SCOC: variants seen among roughly 807,000 people sequenced by gnomAD.
SCOC encodes the protein short coiled-coil protein.
A neutral mutation model predicts 9.9 loss-of-function variants in SCOC; 7 were observed. The observed-to-expected ratio is 0.71, with a 90% confidence interval of 0.40 to 1.33. The LOEUF (loss-of-function observed/expected upper bound fraction) is 1.33, where lower values mean the gene tolerates loss of function less well. SCOC is among the 40% of genes most tolerant of loss of function. The probability of loss-of-function intolerance (pLI) is 0.01; values close to 1 mark genes in which losing one functional copy is unlikely to be tolerated. For synonymous variants in SCOC, 19 were observed against 28.2 expected, an observed-to-expected ratio of 0.67 and a Z score of 1.03; for missense variants, 66 against 89.7, an observed-to-expected ratio of 0.74 and a Z score of 1.07.
intron 1 of SCOC, among the ~76,000 whole-genome samples, chr4:140,299,861 T>G (rs1283182813): frequency 6.6e-6 from 1 of 152,182 alleles, no homozygotes; most frequent in African/African-American, 2.4e-5. Flanking sequence ...TCCACCCACT[T>G]CACAGTCCTT....
chr4:140,353,994 C>A (rs968819520), intron 2 of SCOC, among the ~76,000 whole-genome samples: 2 of 152,200 alleles, frequency 1.3e-5, no homozygotes, highest in African/African-American at 4.8e-5. Context: ...TTTCATTGCT[C>A]GTAGTGTGAC....
chr4:140,310,875 C>T (rs1255161817), intron 1 of SCOC, among the ~76,000 whole-genome samples: 1 of 152,208 alleles, frequency 6.6e-6, no homozygotes, highest in African/African-American at 2.4e-5. Context: ...GGTCTCAAAT[C>T]CTAGCTCTCA....
intron 1 of SCOC, among the ~76,000 whole-genome samples, chr4:140,308,854 G>A (rs1732069569): frequency 6.6e-6 from 1 of 152,202 alleles, no homozygotes; most frequent in African/African-American, 2.4e-5. Flanking sequence ...TTCCCAGAGT[G>A]CCTGGGTCAC....
intron 1 of SCOC, among the ~76,000 whole-genome samples, chr4:140,322,242 G>A (rs1329442269): frequency 6.6e-6 from 1 of 152,196 alleles, no homozygotes; most frequent in Non-Finnish European, 1.5e-5. Flanking sequence ...GTAACTGGGT[G>A]ATGGGTAGAG....
At chr4:140,319,223 C>T (rs550839075) in intron 1 of SCOC, among the ~76,000 whole-genome samples, 5 of 152,270 alleles carry the variant, frequency 3.3e-5, no homozygotes, top group East Asian at 1.9e-4. Context: ...TCCTGAGTAG[C>T]TGGGATTACA....
rs575786867 is a variant in SCOC, at chr4:140,261,829, G to A, written c.-19+4419G>A. On this transcript the variant is annotated intron_variant, in intron 1 of 4. Transcript: ENST00000394205. ...GGGCTGGAGGTGTTGAAGGATATCC[G>A]GTGAAGATGACCAGCAAGGAGTTAG... 5.3e-5 allele frequency among the ~76,000 whole-genome samples: 8 copies of A among 152,256 alleles called. No homozygotes were observed. In the South Asian group the frequency reaches 8.3e-4, roughly 16 times the overall value.
At chr4:140,379,707 A>G (rs1226158975) in intron 3 of SCOC, 55 bp downstream of exon 3, 2 of 1,302,858 alleles carry the variant, frequency 1.5e-6, no homozygotes, top group African/African-American at 3.0e-5. Context: ...TGAACTTGTA[A>G]AAATTTATAT....
At chr4:140,302,890 G>T (rs1731851674) in intron 1 of SCOC, among the ~76,000 whole-genome samples, 1 of 151,526 alleles carries the variant, frequency 6.6e-6, no homozygotes, top group Non-Finnish European at 1.5e-5. Flanking sequence ...ATATTCAAGG[G>T]CGGTTTCTTT....
At chr4:140,343,907 G>T (rs555739521) in intron 2 of SCOC, among the ~76,000 whole-genome samples, 25 of 151,530 alleles carry the variant, frequency 1.6e-4, no homozygotes, top group Non-Finnish European at 3.1e-4. Context: ...TTTTAAAGTT[G>T]CTGTCATTAT....
chr4:140,297,907 C>T lies in SCOC; in HGVS notation c.-19+40497C>T, dbSNP rs191057455. Among the ~76,000 whole-genome samples the T allele has an allele frequency of 5.9e-3, 897 of 152,340 alleles. 5 individuals are homozygous for T. Among genetic ancestry groups the T allele is most frequent in the South Asian group, 0.016 (77 of 4,826 alleles). On this transcript the variant is annotated intron_variant, in intron 1 of 4. Transcript: ENST00000394205. Reference sequence around the variant, plus strand: ...GATCACACGTCACAGGTATCAATTTCATTCCACATATTCAGATGTGTCTGA... The same window carrying T: ...GATCACACGTCACAGGTATCAATTTTATTCCACATATTCAGATGTGTCTGA...
At chr4:140,354,589 T>C (rs1304975661) in intron 2 of SCOC, among the ~76,000 whole-genome samples, 1 of 150,982 alleles carries the variant, frequency 6.6e-6, no homozygotes, top group Admixed American at 6.7e-5. Flanking sequence ...ATTTTGTAGG[T>C]TGGGACATTT....
At chr4:140,274,236 TAGAAATAGACATAGATTATG>T (rs1409974599) in intron 1 of SCOC, among the ~76,000 whole-genome samples, 2 of 152,238 alleles carry the variant, frequency 1.3e-5, no homozygotes, top group Non-Finnish European at 2.9e-5. Context: ...CAGGTAGAAT[TAGAAATAGACATAGATTATG>T]AGAAAGGAAT....
intron 1 of SCOC, among the ~76,000 whole-genome samples, chr4:140,335,430 T>G (rs182563531): frequency 7.8e-4 from 119 of 152,374 alleles, no homozygotes; most frequent in African/African-American, 2.8e-3. Context: ...TGCTATTAGC[T>G]ATATATAATG....
chr4:140,340,853 G>A (rs1373689316), upstream of SCOC, among the ~76,000 whole-genome samples: 2 of 141,582 alleles, frequency 1.4e-5, no homozygotes, highest in Non-Finnish European at 3.0e-5. Context: ...GTGCAGTGGC[G>A]AGATCTCAGC....
At chr4:140,356,754 T>C (rs1368682099) in intron 2 of SCOC, among the ~76,000 whole-genome samples, 2 of 152,148 alleles carry the variant, frequency 1.3e-5, no homozygotes, top group African/African-American at 4.8e-5. Context: ...TTACGGGTGG[T>C]GTCTGACTCA....
At chr4:140,370,392 T>C (rs986630872), upstream of SCOC, among the ~76,000 whole-genome samples, 1 of 152,254 alleles carries the variant, frequency 6.6e-6, no homozygotes, top group African/African-American at 2.4e-5. Context: ...GATAGGATTG[T>C]TCAGGTCTTC....
chr4:140,366,820 T>C (rs923125153), intron 2 of SCOC: 4 of 1,016,052 alleles, frequency 3.9e-6, no homozygotes, highest in Non-Finnish European at 6.3e-6. Context: ...AGAGGGGATG[T>C]AGCCCACACG....
rs1728562830 is a variant in SCOC, at chr4:140,381,231, A to C, written c.*127A>C. ...TATTTATGAAGATAATGTCAGATGTAGACAAAAATAACACAATAACAGGAG... is the reference window on the plus strand; with the variant it reads ...TATTTATGAAGATAATGTCAGATGTCGACAAAAATAACACAATAACAGGAG... On this transcript the variant is annotated 3_prime_UTR_variant, in exon 4 of 4. Coordinates refer to ENST00000608372, the MANE Select transcript of SCOC (RefSeq NM_001153484.2). 1 of 889,372 alleles carries C rather than the reference A, an allele frequency of 1.1e-6. No homozygotes were observed. Among genetic ancestry groups the C allele is most frequent in the Non-Finnish European group, 1.7e-6 (1 of 606,024 alleles). The allele number at this position is 889,372 out of a possible 1,614,324, so 55.1% of individuals were successfully genotyped here.
In SCOC at chr4:140,350,714, C is replaced by T. The variant is rs143616339; in HGVS notation, c.70+7006C>T. On this transcript the variant is annotated intron_variant, in intron 2 of 4. Transcript: ENST00000338517. ...GACTTTGTGCAAGCTATCTGCCATCCCTGAGCCTCCATTCCCTCAGCTGCA... is the reference window on the plus strand; with the variant it reads ...GACTTTGTGCAAGCTATCTGCCATCTCTGAGCCTCCATTCCCTCAGCTGCA... Among the ~76,000 whole-genome samples the T allele has an allele frequency of 5.2e-3, 787 of 152,216 alleles. 6 individuals are homozygous for T. Among genetic ancestry groups the T allele is most frequent in the African/African-American group, 0.018 (745 of 41,516 alleles).
Sources: allele counts gnomAD v4.1 joint callset (sites outside exome capture counted in the v4.1 genomes callset), GRCh38; gene constraint gnomAD v4.1.1; transcripts MANE v1.5; gene names NCBI Gene and HGNC (gene_info 2026-07-23, HGNC 2026-07-21).